The following RPS6KA1 variants were observed in gnomAD, a reference collection of about 807,000 sequenced individuals.
The protein encoded by RPS6KA1 is ribosomal protein S6 kinase A1.
In RPS6KA1, 48 loss-of-function variants were observed where a neutral mutation model predicts 91.3. The observed-to-expected ratio is 0.53, with a 90% CI of 0.42 to 0.67. The LOEUF (loss-of-function observed/expected upper bound fraction) is 0.67. Among genes scored for constraint, RPS6KA1 ranks in the 30% least tolerant of loss-of-function variants. The pLI is 0.00. For missense variants in RPS6KA1, 719 were observed against 960.5 expected, an observed-to-expected ratio of 0.75 and a Z score of 3.32; for synonymous variants, 359 against 384.7, an observed-to-expected ratio of 0.93 and a Z score of 0.78.
chr1:26,557,078 G>C lies in RPS6KA1; in HGVS notation c.1062G>C (p.Glu354Asp), dbSNP rs1218061469. 1 of 1,613,834 alleles carries C rather than the reference G, an allele frequency of 6.2e-7. No individual in the cohort carries two copies. Among genetic ancestry groups the C allele is most frequent in the Non-Finnish European group, 8.5e-7 (1 of 1,179,964 alleles). ...QPDDTFYFDT[E>D]FTSRTPKDSP... ...ATGACACCTTCTACTTTGACACCGA[G>C]TTCACGTCCCGCACACCCAAGGGTG... Residue 354 changes from glutamate (E) to aspartate (D), a missense_variant, in exon 13 of 22, where the codon GAG becomes GAC. Glu to Asp is a conservative substitution (Grantham distance 45). This residue lies in a region of RPS6KA1 where 228 missense variants were observed against 247.6 expected (regional missense o/e 0.92). Transcript: ENST00000374168.
At chr1:26,545,925 C>G (rs149509119) in intron 2 of RPS6KA1, 2 of 1,588,904 alleles carry the variant, frequency 1.3e-6, no homozygotes, top group Admixed American at 3.5e-5. Context: ...CAAGCCGCCC[C>G]GTCTGCGGCT....
At chr1:26,548,447 A>C (rs1394544795) in intron 4 of RPS6KA1, among the ~76,000 whole-genome samples, 1 of 152,144 alleles carries the variant, frequency 6.6e-6, no homozygotes, top group Non-Finnish European at 1.5e-5. Flanking sequence ...TGTTTGAGGA[A>C]GGGGACCCTG....
intron 2 of RPS6KA1, among the ~76,000 whole-genome samples, chr1:26,539,461 C>T (rs941297540): frequency 2.0e-5 from 3 of 152,178 alleles, no homozygotes; most frequent in Non-Finnish European, 4.4e-5. Flanking sequence ...AATCCTGCAC[C>T]TATTTTTTAT....
chr1:26,535,398 C>A (rs1027608963), intron 1 of RPS6KA1, among the ~76,000 whole-genome samples: 4 of 151,960 alleles, frequency 2.6e-5, no homozygotes, highest in Non-Finnish European at 4.4e-5. Context: ...CCCCATGGAC[C>A]CAGCTCCTGG....
chr1:26,539,624 A>G (rs1252666401), intron 2 of RPS6KA1, among the ~76,000 whole-genome samples: 2 of 152,244 alleles, frequency 1.3e-5, no homozygotes, highest in Non-Finnish European at 2.9e-5. Context: ...TTGTGGCACA[A>G]TGTTGCTGTT....
intron 17 of RPS6KA1, among the ~76,000 whole-genome samples, chr1:26,566,867 C>A (rs2076207075): frequency 6.6e-6 from 1 of 152,186 alleles, no homozygotes; most frequent in South Asian, 2.1e-4. Context: ...TCACTTAGAA[C>A]AACTTCGCCT....
In RPS6KA1 at chr1:26,555,247, C is replaced by T; in HGVS notation, c.827+26C>T. ...GTAAGCCCCAGCCCTGCCCTGATAA[C>T]AATGGACTCCTCCAAGCCCCAGCCC... On this transcript the variant is annotated intron_variant, in intron 10 of 21. Transcript: ENST00000374168. The surrounding 1 kb of genome is among the most constrained non-coding windows in gnomAD (Gnocchi z 4.3). 3 of 1,608,910 alleles carry T rather than the reference C, an allele frequency of 1.9e-6. No individual in the cohort carries two copies. Among genetic ancestry groups the T allele is most frequent in the Non-Finnish European group, 2.6e-6 (3 of 1,175,344 alleles).
Position 26,571,881 on chromosome 1 carries a change from C to G in RPS6KA1, c.1785C>G (p.Cys595Trp). 6.2e-7 allele frequency: 1 copy of G among 1,611,224 alleles called. No individual in the cohort carries two copies. The change falls in exon 19 of 22, where the codon TGC becomes TGG. Residue 595 changes from cysteine (C) to tryptophan (W), a missense_variant. By Grantham distance (215) the Cys-to-Trp change is radical. Coordinates refer to ENST00000374168, the MANE Select transcript of RPS6KA1 (RefSeq NM_002953.4). This position sits in a 1 kb window ranked among gnomAD's most constrained non-coding sequence, Gnocchi z 5.1. ...AGCGCCAGGGCTACGATGAAGGCTGCGACATCTGGAGCCTGGGCATTCTGC... is the reference window on the plus strand; with the variant it reads ...AGCGCCAGGGCTACGATGAAGGCTGGGACATCTGGAGCCTGGGCATTCTGC... ...VLKRQGYDEG[C>W]DIWSLGILLY... is the part of the protein sequence containing the mutation.
Position 26,547,071 on chromosome 1 carries a change from G to A in RPS6KA1, c.225+88G>A. 1 of 1,511,514 alleles carries A rather than the reference G, an allele frequency of 6.6e-7. No individual in the cohort carries two copies. The highest frequency in any genetic ancestry group is 9.2e-7 in the Non-Finnish European group (1 of 1,087,694). 93.6% of individuals were successfully genotyped at this position (1,511,514 alleles called of 1,614,324 possible). On this transcript the variant is annotated intron_variant, in intron 3 of 21. Transcript: ENST00000374168. This position sits in a 1 kb window ranked among gnomAD's most constrained non-coding sequence, Gnocchi z 4.1. ...TCACCTAGGGGCCCAAAGGATCAGAGGTCACCTTGGTACCCAGGGAGAGCA... is the reference window on the plus strand; with the variant it reads ...TCACCTAGGGGCCCAAAGGATCAGAAGTCACCTTGGTACCCAGGGAGAGCA...
rs11800553 is a variant in RPS6KA1 at position 26,529,971 on chromosome 1, T to A, written c.51T>A (p.Pro17=). Residue 17 remains proline, a synonymous_variant, in exon 1 of 22, where the codon CCT becomes CCA. Transcript: ENST00000374168. The surrounding 1 kb of genome is among the most constrained non-coding windows in gnomAD (Gnocchi z 4.2). ...CCTGGCCGCTCATGGAGCTAGTGCC[T>A]CTGGACCCGGAGGTGAGTGAGCGGG... ...KEPWPLMELV[P]LDPENGQTSG... The A allele has an allele frequency of 3.5e-6, 5 of 1,416,132 alleles. No homozygotes were observed. In the Admixed American group the frequency reaches 1.1e-4, roughly 31 times the overall value. The allele number at this position is 1,416,132 out of a possible 1,614,324, so 87.7% of individuals were successfully genotyped here.
chr1:26,557,800 T>G, intron 13 of RPS6KA1, among the ~76,000 whole-genome samples: 2 of 16,628 alleles, frequency 1.2e-4, no homozygotes, highest in Admixed American at 7.8e-4. Flanking sequence ...TCCCCTCCCC[T>G]CCCCTCCCCT....
At chr1:26,552,465 A>G (rs1187764755) in intron 6 of RPS6KA1, among the ~76,000 whole-genome samples, 3 of 144,396 alleles carry the variant, frequency 2.1e-5, no homozygotes, top group African/African-American at 7.6e-5. Flanking sequence ...AAGAGAATCT[A>G]GCTTTTTTTT....
At position 26,529,890 on chromosome 1, in the gene RPS6KA1, G is replaced by C; in HGVS notation, c.-31G>C. The stretch of plus-strand genomic sequence containing the variant: ...GGGAGGCGGCGCAGCCGGGGCCGCC[G>C]GAGGAGCGCGGGTGACCTGGCGGCG... On this transcript the variant is annotated 5_prime_UTR_variant, in exon 1 of 22. Transcript: ENST00000374168. The surrounding 1 kb of genome is among the most constrained non-coding windows in gnomAD (Gnocchi z 4.2). 1 of 1,407,638 alleles carries C rather than the reference G, an allele frequency of 7.1e-7. No individual in the cohort carries two copies. The highest frequency in any genetic ancestry group is 9.3e-7 in the Non-Finnish European group (1 of 1,078,178). The allele number at this position is 1,407,638 out of a possible 1,614,324, so 87.2% of individuals were successfully genotyped here.
At chr1:26,557,381 G>T (rs74062511) in intron 13 of RPS6KA1, among the ~76,000 whole-genome samples, 4,413 of 152,188 alleles carry the variant, frequency 0.029, 193 homozygotes, top group African/African-American at 0.1. Context: ...CAGGACCCCT[G>T]CCCGGGGCAC....
In RPS6KA1 at chr1:26,540,456, C is replaced by T. The variant is rs188288645; in HGVS notation, c.108+3487C>T. 7.2e-5 allele frequency among the ~76,000 whole-genome samples: 11 copies of T among 152,336 alleles called. No homozygotes were observed. Among genetic ancestry groups the T allele is most frequent in the African/African-American group, 2.6e-4 (11 of 41,582 alleles). ...GGCCAACATTTGTTCATCCTCAGGA[C>T]CCAGCTGGGCTGCCCCTCTCTGGAA... On this transcript the variant is annotated intron_variant, in intron 2 of 21. Transcript: ENST00000374168. This position sits in a 1 kb window ranked among gnomAD's most constrained non-coding sequence, Gnocchi z 4.2.
chr1:26,561,603 G>A lies in RPS6KA1; in HGVS notation c.1530G>A (p.Arg510=). ...KILRQKFFSE[R]EASFVLHTIG... ...TGCGGCAGAAGTTCTTCTCAGAGCG[G>A]GAGGCCAGCTTTGTCCTGCACACCA... is the stretch of plus-strand genomic sequence containing the variant. Residue 510 remains arginine (R), a synonymous_variant, in exon 17 of 22, where the codon CGG becomes CGA. Transcript: ENST00000374168. The surrounding 1 kb of genome is among the most constrained non-coding windows in gnomAD (Gnocchi z 5.7). 1 of 1,614,022 alleles carries A rather than the reference G, an allele frequency of 6.2e-7. No individual in the cohort carries two copies.
At chr1:26,552,632 G>C (rs1291500820) in intron 6 of RPS6KA1, among the ~76,000 whole-genome samples, 1 of 151,010 alleles carries the variant, frequency 6.6e-6, no homozygotes, top group African/African-American at 2.4e-5. Context: ...GATGACAGGT[G>C]CACGCCACCA....
Position 26,561,798 on chromosome 1 carries a change from G to A in RPS6KA1, c.1590+135G>A. On this transcript the variant is annotated intron_variant, in intron 17 of 21. Transcript: ENST00000374168. This position sits in a 1 kb window ranked among gnomAD's most constrained non-coding sequence, Gnocchi z 5.7. ...GAGGGGACACTAGGGCTGGGTGGGT[G>A]GATGCGTGCAAAGGAAGGAGGGAGA... is the stretch of plus-strand genomic sequence containing the variant. 3.6e-6 allele frequency: 3 copies of A among 837,148 alleles called. No homozygotes were observed. The highest frequency in any genetic ancestry group is 5.5e-6 in the Non-Finnish European group (3 of 541,642). The allele number at this position is 837,148 out of a possible 1,614,324, so 51.9% of individuals were successfully genotyped here.
At position 26,553,408 on chromosome 1, in the gene RPS6KA1, G is replaced by C; in HGVS notation, c.486G>C (p.Glu162Asp). ...RLSKEVMFTE[E>D]DVKFYLAELA... is the part of the protein sequence containing the mutation. Reference sequence around the variant, plus strand: ...TTTTGCAGGTGATGTTCACGGAGGAGGATGTGAAGTTTTACCTGGCTGAGC... The same window carrying C: ...TTTTGCAGGTGATGTTCACGGAGGACGATGTGAAGTTTTACCTGGCTGAGC... Residue 162 changes from glutamate (E) to aspartate (D), a missense_variant, in exon 7 of 22, where the codon GAG becomes GAC. By Grantham distance (45) the Glu-to-Asp change is conservative. Around this residue, in one of 5 missense-constraint regions of RPS6KA1, gnomAD observed 159 missense variants for 264.5 expected, o/e 0.60. Transcript: ENST00000374168. 6.2e-7 allele frequency: 1 copy of C among 1,612,304 alleles called. No homozygotes were observed. Among genetic ancestry groups the C allele is most frequent in the South Asian group, 1.1e-5 (1 of 91,014 alleles).
Sources: gnomAD v4.1 joint callset for allele counts (sites outside exome capture counted in the v4.1 genomes callset) on GRCh38, gnomAD v4.1.1 for gene constraint, gnomAD v4.1.1 regional missense constraint, Gnocchi (gnomAD v3.1) non-coding constraint, MANE v1.5 for transcripts, NCBI Gene and HGNC (gene_info 2026-07-23, HGNC 2026-07-21) for gene names.